NDUFA10: variants seen among roughly 807,000 people sequenced by gnomAD.
NDUFA10 encodes NADH dehydrogenase [ubiquinone] 1 alpha subcomplex subunit 10, mitochondrial.
A neutral mutation model predicts 47.8 loss-of-function variants in NDUFA10; 40 were observed. That is an observed-to-expected ratio of 0.84 (90% CI 0.65 to 1.09). NDUFA10 has a LOEUF of 1.09. NDUFA10 is among the 50% of genes least tolerant of loss of function. The pLI is 0.00. For missense variants in NDUFA10, 413 were observed against 451.1 expected (o/e 0.92, Z 0.76); for synonymous variants, 183 against 172.2 (o/e 1.06, Z -0.49).
rs78650046 is a variant in NDUFA10 at position 239,978,125 on chromosome 2, C to T, written c.999+11949G>A. On this transcript the variant is annotated intron_variant, in intron 9 of 9. Transcript: ENST00000252711. ...ATCTCTGAGGAGCCAAGAGGCCCCC[C>T]TGCCTCTGGGATCCCTGCTCCATCA... Among the ~76,000 whole-genome samples the T allele has an allele frequency of 7.0e-3, 1,069 of 152,276 alleles. 7 individuals are homozygous for T. Among genetic ancestry groups the T allele is most frequent in the South Asian group, 0.025 (121 of 4,826 alleles).
chr2:239,897,579 A>G (rs1313575629), intron 4 of NDUFA10, among the ~76,000 whole-genome samples: 1 of 152,200 alleles, frequency 6.6e-6, no homozygotes, highest in Non-Finnish European at 1.5e-5. Flanking sequence ...ATATTTTGAA[A>G]AGCATCCATA....
At chr2:239,992,920 A>G (rs949006071) in intron 8 of NDUFA10, among the ~76,000 whole-genome samples, 1 of 152,240 alleles carries the variant, frequency 6.6e-6, no homozygotes, top group African/African-American at 2.4e-5. Flanking sequence ...CATGTTTACA[A>G]TAATTATGTT....
intron 7 of NDUFA10, among the ~76,000 whole-genome samples, chr2:240,006,558 T>C (rs1696955953): frequency 6.6e-6 from 1 of 152,232 alleles, no homozygotes; most frequent in African/African-American, 2.4e-5. Context: ...TATTTTCTTC[T>C]AGAATTGTTA....
chr2:239,942,861 C>A (rs1694382722), intron 4 of NDUFA10, among the ~76,000 whole-genome samples: 1 of 152,242 alleles, frequency 6.6e-6, no homozygotes, highest in Non-Finnish European at 1.5e-5. Context: ...CTGGCAAAGG[C>A]TCGTCTTCCC....
chr2:239,991,485 A>G (rs1696246226), intron 8 of NDUFA10, among the ~76,000 whole-genome samples: 1 of 152,190 alleles, frequency 6.6e-6, no homozygotes, highest in Non-Finnish European at 1.5e-5. Flanking sequence ...TTACTTGCCA[A>G]AAGATATGCA....
Position 240,014,871 on chromosome 2 carries a change from G to A in NDUFA10, c.548-11C>T. 1.2e-6 allele frequency: 2 copies of A among 1,614,166 alleles called. No homozygotes were observed. The highest frequency in any genetic ancestry group is 1.7e-6 in the Non-Finnish European group (2 of 1,180,026). ...TGTAGTGGTCCACACCTGGCACATA[G>A]GAGAAAGGGGCGCTGTCACCTACCA... is the stretch of plus-strand genomic sequence containing the variant. On this transcript the variant is annotated splice_polypyrimidine_tract_variant and intron_variant, in intron 4 of 9. Transcript: ENST00000252711.
chr2:239,956,461 C>T (rs1054088000), downstream of NDUFA10, among the ~76,000 whole-genome samples: 14 of 152,236 alleles, frequency 9.2e-5, no homozygotes, highest in Non-Finnish European at 1.5e-4. Flanking sequence ...AGCAAGATTC[C>T]GAAGGTCTTT....
chr2:239,915,236 CACAA>C (rs1204876211), intron 4 of NDUFA10, among the ~76,000 whole-genome samples: 9 of 105,992 alleles, frequency 8.5e-5, no homozygotes, highest in East Asian at 2.6e-4. Context: ...GACACAGATA[CACAA>C]ACATACACAC....
Position 239,960,724 on chromosome 2 carries a change from C to CGT in NDUFA10, c.*392_*393dup. On this transcript the variant is annotated 3_prime_UTR_variant, in exon 10 of 10. Transcript: ENST00000252711. ...TTCGACGTGCCCGCACGCACATAGA[C>CGT]GTACGATGGGGAAATTCCCATGGAA... The CGT allele has an allele frequency of 8.4e-7, 1 of 1,185,094 alleles. No homozygotes were observed. Among genetic ancestry groups the CGT allele is most frequent in the Non-Finnish European group, 1.1e-6 (1 of 941,152 alleles). 73.4% of individuals were successfully genotyped at this position (1,185,094 alleles called of 1,614,324 possible). A position where few individuals can be genotyped will look rare whatever the true frequency, so the allele number is the denominator to read the frequency against.
chr2:239,937,310 G>C (rs1439143744), intron 4 of NDUFA10, among the ~76,000 whole-genome samples: 1 of 152,224 alleles, frequency 6.6e-6, no homozygotes, highest in Non-Finnish European at 1.5e-5. Flanking sequence ...ACTGCGGTAT[G>C]ATTTTAGAAC....
Position 239,965,949 on chromosome 2 carries a change from C to T in NDUFA10, c.1000-4763G>A, listed in dbSNP as rs1398023988. On this transcript the variant is annotated intron_variant, in intron 9 of 9. Transcript: ENST00000252711. The stretch of plus-strand genomic sequence containing the variant: ...ATTCACAGGGCTCTGATAAGTTTAA[C>T]ACTTTCAGGAGGCTCTTTCCCTGTA... Among the ~76,000 whole-genome samples, 8 of 152,132 alleles carry T rather than the reference C, an allele frequency of 5.3e-5. No homozygotes were observed. In the East Asian group the frequency reaches 1.4e-3, roughly 26 times the overall value.
intron 5 of NDUFA10, among the ~76,000 whole-genome samples, chr2:239,895,018 A>G (rs1574758536): frequency 6.6e-6 from 1 of 151,656 alleles, no homozygotes; most frequent in Non-Finnish European, 1.5e-5. Flanking sequence ...GAAACCCAGA[A>G]CCCAGTTTCC....
intron 1 of NDUFA10, 62 bp downstream of exon 1, chr2:240,025,165 C>T (rs1697807828): frequency 1.8e-6 from 1 of 559,878 alleles, no homozygotes; most frequent in Non-Finnish European, 2.9e-6. Context: ...TGGAACTGCT[C>T]CCCACCCCGC....
chr2:239,971,644 G>T (rs1398155945), intron 9 of NDUFA10, among the ~76,000 whole-genome samples: 1 of 152,202 alleles, frequency 6.6e-6, no homozygotes, highest in Non-Finnish European at 1.5e-5. Context: ...AAGAGACAGG[G>T]TGTTCAGAGA....
Position 239,982,347 on chromosome 2 carries a change from T to G in NDUFA10, c.999+7727A>C, listed in dbSNP as rs141533064. 3.8e-3 allele frequency: 5,056 copies of G among 1,318,104 alleles called. 12 individuals are homozygous for G. The highest frequency in any genetic ancestry group is 4.5e-3 in the Non-Finnish European group (4,345 of 975,888). The allele number at this position is 1,318,104 out of a possible 1,614,324, so 81.7% of individuals were successfully genotyped here. On this transcript the variant is annotated intron_variant, in intron 9 of 9. Coordinates refer to ENST00000252711, the MANE Select transcript of NDUFA10 (RefSeq NM_004544.4). ...CTGAACTCTTTTCTAAAAAGATTCT[T>G]GTCTTGATTGTATTTACTGTTTCTT... is the stretch of plus-strand genomic sequence containing the variant.
intron 9 of NDUFA10, among the ~76,000 whole-genome samples, chr2:239,974,233 C>T (rs1248904458): frequency 6.6e-6 from 1 of 152,182 alleles, no homozygotes; most frequent in East Asian, 1.9e-4. Context: ...CCAATGAAAA[C>T]GCTGTTTTAG....
intron 9 of NDUFA10, among the ~76,000 whole-genome samples, chr2:239,986,195 A>T (rs1388213187): frequency 6.6e-6 from 1 of 152,258 alleles, no homozygotes; most frequent in Non-Finnish European, 1.5e-5. Context: ...GGAAGCACTG[A>T]AAGAAAATAT....
intron 1 of NDUFA10, among the ~76,000 whole-genome samples, 198 bp downstream of exon 1, chr2:240,025,029 G>A (rs1697797312): frequency 6.6e-6 from 1 of 152,230 alleles, no homozygotes; most frequent in African/African-American, 2.4e-5. Context: ...AAAATGGCCT[G>A]GAGAAGCTCG....
At chr2:239,895,562 T>C (rs1260241207) in intron 4 of NDUFA10, among the ~76,000 whole-genome samples, 1 of 152,264 alleles carries the variant, frequency 6.6e-6, no homozygotes, top group African/African-American at 2.4e-5. Flanking sequence ...TTCTCTCTAA[T>C]AATTTACCAT....
Sources: allele counts gnomAD v4.1 joint callset (sites outside exome capture counted in the v4.1 genomes callset), GRCh38; gene constraint gnomAD v4.1.1; transcripts MANE v1.5; gene names NCBI Gene and HGNC (gene_info 2026-07-23, HGNC 2026-07-21).